Variants in SCN9A observed in about 807,000 individuals in gnomAD.
SCN9A encodes sodium voltage-gated channel alpha subunit 9, also known as sodium channel protein type 9 subunit alpha.
In SCN9A, 131 loss-of-function variants were observed where a neutral mutation model predicts 187.0. The observed-to-expected ratio is 0.70, with a 90% CI of 0.61 to 0.81. The LOEUF is 0.81. Among genes scored for constraint, SCN9A ranks in the 30% least tolerant of loss-of-function variants. The pLI, the probability that SCN9A is intolerant of heterozygous loss-of-function variation, is 0.00. For missense variants in SCN9A, 2,252 were observed against 2,396.6 expected (o/e 0.94, Z 1.26); for synonymous variants, 809 against 808.6 (o/e 1.00, Z -0.01).
In SCN9A at chr2:166,306,946, A is replaced by G. The variant is rs752694131; in HGVS notation, c.377+10T>C. 9.6e-6 allele frequency: 14 copies of G among 1,456,198 alleles called. No individual in the cohort carries two copies. The highest frequency in any genetic ancestry group is 1.3e-5 in the Non-Finnish European group (14 of 1,044,572). The allele number at this position is 1,456,198 out of a possible 1,614,324, so 90.2% of individuals were successfully genotyped here. A position where few individuals can be genotyped will look rare whatever the true frequency, so the allele number is the denominator to read the frequency against. ...AGTGCCACTGGATGTAATCATTTTT[A>G]AAAGGATATGAGTGTACTAAAATCT... On this transcript the variant is annotated intron_variant, in intron 3 of 26. Coordinates refer to ENST00000642356, the MANE Select transcript of SCN9A (RefSeq NM_001365536.1).
intron 12 of SCN9A, among the ~76,000 whole-genome samples, chr2:166,283,853 C>T (rs1468509331): frequency 1.3e-5 from 2 of 152,094 alleles, no homozygotes. Flanking sequence ...AGACAGCCTC[C>T]GTTTCAACTT....
intron 24 of SCN9A, among the ~76,000 whole-genome samples, chr2:166,216,545 C>T (rs1266025851): frequency 6.6e-6 from 1 of 151,912 alleles, no homozygotes; most frequent in East Asian, 1.9e-4. Flanking sequence ...TTGCAGTTTG[C>T]AAAATCAACA....
At chr2:166,341,379 T>C (rs1373525208) in intron 1 of SCN9A, among the ~76,000 whole-genome samples, 1 of 152,240 alleles carries the variant, frequency 6.6e-6, no homozygotes, top group Non-Finnish European at 1.5e-5. Context: ...TGTTACCAAG[T>C]CATGTTTAAG....
Position 166,304,289 on chromosome 2 carries a change from G to A in SCN9A, c.637C>T (p.Leu213Phe), listed in dbSNP as rs1282361234. 1 of 1,613,492 alleles carries A rather than the reference G, an allele frequency of 6.2e-7. No individual in the cohort carries two copies. The highest frequency in any genetic ancestry group is 2.2e-5 in the East Asian group (1 of 44,870). Residue 213 changes from leucine to phenylalanine, a missense_variant, in exon 6 of 27, where the codon CTT (leucine) becomes TTT (phenylalanine). Physicochemically the swap from Leu to Phe is conservative, Grantham distance 22 (BLOSUM62 0). Transcript: ENST00000642356. ...GCTCTCAATACTCTGAAAGTTCGAA[G>A]AGCTGAAACATTGCCTAGGTTTACA... ...EFVNLGNVSA[L>F]RTFRVLRALK... is the part of the protein sequence containing the mutation.
In SCN9A at chr2:166,198,808, TC is replaced by T. The variant is rs745699120; in HGVS notation, c.5830del (p.Glu1944LysfsTer18). The T allele has an allele frequency of 1.9e-6, 3 of 1,613,120 alleles. No homozygotes were observed. The African/African-American group carries it at 4.0e-5, about 22-fold the overall frequency. On this transcript the variant is annotated frameshift_variant, in exon 27 of 27. Transcript: ENST00000642356. LOFTEE classifies it high-confidence loss of function. ...GGTGGATGAAGTGGCATCTGTTTTTTCTGGACTTGAGTTCTCATTAACATTA... is the reference window on the plus strand; with the variant it reads ...GGTGGATGAAGTGGCATCTGTTTTTTTGGACTTGAGTTCTCATTAACATTA... ...FDNVNENSSP[E>X]KTDATSSTTS...
intron 24 of SCN9A, among the ~76,000 whole-genome samples, chr2:166,211,327 C>T (rs1694082261): frequency 6.6e-6 from 1 of 152,022 alleles, no homozygotes; most frequent in East Asian, 1.9e-4. Flanking sequence ...AGGATAAAAA[C>T]TTTCTCATAC....
chr2:166,237,723 T>C (rs750796672), intron 20 of SCN9A, among the ~76,000 whole-genome samples: 5 of 152,192 alleles, frequency 3.3e-5, no homozygotes, highest in Non-Finnish European at 5.9e-5. Flanking sequence ...TCATTTCCTC[T>C]CTTTAATCTG....
At chr2:166,300,775 A>G (rs1330953000) in intron 7 of SCN9A, among the ~76,000 whole-genome samples, 1 of 151,072 alleles carries the variant, frequency 6.6e-6, no homozygotes, top group East Asian at 1.9e-4. Flanking sequence ...GAAAATAAAG[A>G]ATAATGTACA....
Position 166,199,315 on chromosome 2 carries a change from C to T in SCN9A, c.5324G>A (p.Ser1775Asn), listed in dbSNP as rs1255143930. 6.2e-7 allele frequency: 1 copy of T among 1,614,098 alleles called. No individual in the cohort carries two copies. Residue 1775 changes from serine (S) to asparagine (N), a missense_variant, in exon 27 of 27, where the codon AGT (serine) becomes AAT (asparagine). By Grantham distance (46) the Ser-to-Asn change is conservative. Around this residue, in one of 7 missense-constraint regions of SCN9A, gnomAD observed 345 missense variants for 344.6 expected, o/e 1.00. Transcript: ENST00000642356. Reference protein sequence around the residue: ...VATEESTEPLSEDDFEMFYEV... With the variant: ...VATEESTEPLNEDDFEMFYEV... ...ATAGAACATCTCAAAGTCATCCTCA[C>T]TCAGAGGTTCAGTACTTTCTTCAGT... is the stretch of plus-strand genomic sequence containing the variant.
intron 20 of SCN9A, among the ~76,000 whole-genome samples, chr2:166,236,980 A>G (rs77032745): frequency 0.021 from 3,144 of 152,268 alleles, 120 homozygotes; most frequent in African/African-American, 0.072. Context: ...GTCAGGCATC[A>G]TATGGAAAAC....
chr2:166,258,447 C>T (rs149185941), intron 17 of SCN9A, among the ~76,000 whole-genome samples: 74 of 151,386 alleles, frequency 4.9e-4, no homozygotes, highest in African/African-American at 1.7e-3. Flanking sequence ...ACATTTTGAA[C>T]ACTTATCACT....
intron 1 of SCN9A, among the ~76,000 whole-genome samples, chr2:166,363,771 C>A (rs1240522254): frequency 6.6e-6 from 1 of 151,866 alleles, no homozygotes; most frequent in Non-Finnish European, 1.5e-5. Context: ...AGGGAAAAAT[C>A]TTCGAGACAT....
intron 9 of SCN9A, among the ~76,000 whole-genome samples, chr2:166,289,110 CTT>C (rs559070331): frequency 1.3e-5 from 2 of 150,460 alleles, no homozygotes; most frequent in Admixed American, 1.3e-4. Flanking sequence ...TTTCAATTAA[CTT>C]TTTTTTTCGC....
At chr2:166,304,915 A>G (rs1698704631) in intron 5 of SCN9A, among the ~76,000 whole-genome samples, 1 of 152,116 alleles carries the variant, frequency 6.6e-6, no homozygotes, top group African/African-American at 2.4e-5. Context: ...ATTTTGTAGT[A>G]TTTGAATTGT....
At chr2:166,366,444 T>G (rs532712684) in intron 1 of SCN9A, among the ~76,000 whole-genome samples, 1 of 152,306 alleles carries the variant, frequency 6.6e-6, no homozygotes, top group African/African-American at 2.4e-5. Flanking sequence ...TTGGGTTGTT[T>G]TCATATTTTT....
At chr2:166,219,113 T>G (rs1694469997) in intron 24 of SCN9A, among the ~76,000 whole-genome samples, 1 of 152,162 alleles carries the variant, frequency 6.6e-6, no homozygotes, top group South Asian at 2.1e-4. Context: ...CTACACACTG[T>G]TGATGGGAGT....
chr2:166,361,201 A>G (rs759384662), intron 1 of SCN9A, among the ~76,000 whole-genome samples: 2 of 143,438 alleles, frequency 1.4e-5, no homozygotes, highest in Non-Finnish European at 3.2e-5. Flanking sequence ...TCAGTGCACA[A>G]TACATTGTAA....
intron 24 of SCN9A, among the ~76,000 whole-genome samples, chr2:166,217,737 A>G (rs1214728391): frequency 6.6e-6 from 1 of 152,154 alleles, no homozygotes; most frequent in African/African-American, 2.4e-5. Context: ...GATGTGGAGA[A>G]ATAGGAACCC....
chr2:166,282,052 G>A (rs1697514837), intron 12 of SCN9A, among the ~76,000 whole-genome samples: 1 of 152,062 alleles, frequency 6.6e-6, no homozygotes, highest in Non-Finnish European at 1.5e-5. Context: ...AGGATTAAAG[G>A]AATTAATATT....
Sources: gnomAD v4.1 joint callset for allele counts (sites outside exome capture counted in the v4.1 genomes callset) on GRCh38, gnomAD v4.1.1 for gene constraint, gnomAD v4.1.1 regional missense constraint, MANE v1.5 for transcripts, NCBI Gene and HGNC (gene_info 2026-07-23, HGNC 2026-07-21) for gene names.